The following TENM1 variants were observed in gnomAD, a reference collection of about 807,000 sequenced individuals.
TENM1 encodes the protein teneurin transmembrane protein 1, also known as teneurin-1.
A neutral mutation model predicts 174.8 loss-of-function variants in TENM1; 35 were observed. The ratio of observed to expected loss-of-function variants is 0.20; its 90% confidence interval spans 0.15 to 0.27. The LOEUF (loss-of-function observed/expected upper bound fraction) is 0.27, where lower values mean the gene tolerates loss of function less well. TENM1 is among the 10% of genes least tolerant of loss of function. The pLI, the probability that TENM1 is intolerant of heterozygous loss-of-function variation, is 1.00. For synonymous variants in TENM1, 781 were observed against 798.7 expected, an observed-to-expected ratio of 0.98 and a Z score of 0.37; for missense variants, 1,633 against 2,130.1, an observed-to-expected ratio of 0.77 and a Z score of 4.59.
At chrX:124,447,796 T>C (rs961691062) in intron 23 of TENM1, among the ~76,000 whole-genome samples, 3 of 111,441 alleles carry the variant, frequency 2.7e-5, no homozygotes, top group African/African-American at 9.8e-5. Context: ...TGGTGTTCCA[T>C]AGAGTTTGGT....
At chrX:124,963,704 T>C in exon 1 of TENM1, 3 of 1,211,970 alleles carry the variant, frequency 2.5e-6, no homozygotes, top group Non-Finnish European at 3.3e-6. Context: ...ATCCATTTCA[T>C]GCTTGACTTT....
At chrX:124,451,652 T>C (rs1169771991) in intron 23 of TENM1, among the ~76,000 whole-genome samples, 1 of 111,869 alleles carries the variant, frequency 8.9e-6, no homozygotes, top group Non-Finnish European at 1.9e-5. Context: ...CAAAACAGCA[T>C]GGTACTGGTA....
intron 4 of TENM1, among the ~76,000 whole-genome samples, chrX:124,707,799 G>A (rs2052946591): frequency 8.9e-6 from 1 of 112,037 alleles, no homozygotes; most frequent in South Asian, 3.8e-4. Flanking sequence ...CTTTTCTTGA[G>A]TGTGTACATT....
chrX:125,101,333 C>T, the TENM1 span, among the ~76,000 whole-genome samples: 1 of 111,573 alleles, frequency 9.0e-6, no homozygotes, highest in African/African-American at 3.3e-5. Flanking sequence ...TCATGGAATA[C>T]TGATATTCCA....
the TENM1 span, among the ~76,000 whole-genome samples, chrX:125,081,179 A>G: frequency 9.0e-6 from 1 of 111,188 alleles, no homozygotes; most frequent in African/African-American, 3.3e-5. Flanking sequence ...TTGTTGACTG[A>G]ACAAATAAGT....
At chrX:124,758,150 C>A (rs759016562) in intron 3 of TENM1, among the ~76,000 whole-genome samples, 10 of 111,336 alleles carry the variant, frequency 9.0e-5, no homozygotes, top group Non-Finnish European at 1.7e-4. Flanking sequence ...TCATACAATT[C>A]AATAGCAGAA....
At chrX:125,051,088 T>C in the TENM1 span, among the ~76,000 whole-genome samples, 2 of 111,441 alleles carry the variant, frequency 1.8e-5, no homozygotes, top group Non-Finnish European at 3.8e-5. Context: ...TGAACTCCCA[T>C]TCACAATTGC....
the TENM1 span, among the ~76,000 whole-genome samples, chrX:125,058,521 C>A: frequency 1.4e-4 from 16 of 111,368 alleles, no homozygotes; most frequent in Admixed American, 5.7e-4. Context: ...GAAAGAGTGT[C>A]CATGCAGCAT....
chrX:124,793,524 A>G (rs1162064495), intron 3 of TENM1, among the ~76,000 whole-genome samples: 1 of 111,686 alleles, frequency 9.0e-6, no homozygotes, highest in Non-Finnish European at 1.9e-5. Flanking sequence ...CACATGTTAT[A>G]TTATACTGAA....
chrX:124,828,804 A>C (rs1179865999), intron 3 of TENM1, among the ~76,000 whole-genome samples: 2 of 111,834 alleles, frequency 1.8e-5, no homozygotes, highest in Admixed American at 1.9e-4. Flanking sequence ...AGCTAAACAC[A>C]AGAAAGAAAG....
rs2047223657 is a variant in TENM1, at chrX:124,497,268, A to G, written c.3446-3T>C. On this transcript the variant is annotated splice_region_variant and splice_polypyrimidine_tract_variant and intron_variant, in intron 19 of 31. Coordinates refer to ENST00000422452, the Ensembl canonical transcript of TENM1. Reference sequence around the variant, plus strand: ...TCCATTCCCTTTATGTATGATTCCTAGATTCAAGGAAAACAAAAAGAGAAT... The same window carrying G: ...TCCATTCCCTTTATGTATGATTCCTGGATTCAAGGAAAACAAAAAGAGAAT... The G allele has an allele frequency of 8.4e-7, 1 of 1,190,623 alleles. No individual in the cohort carries two copies. The highest frequency in any genetic ancestry group is 1.8e-5 in the South Asian group (1 of 54,605).
the TENM1 span, among the ~76,000 whole-genome samples, chrX:125,168,554 A>T: frequency 9.0e-6 from 1 of 111,377 alleles, no homozygotes; most frequent in Non-Finnish European, 1.9e-5. Flanking sequence ...TTCTATTTGT[A>T]TTAGAGCCCC....
At chrX:124,413,222 T>C (rs2060556139) in intron 25 of TENM1, among the ~76,000 whole-genome samples, 1 of 112,080 alleles carries the variant, frequency 8.9e-6, no homozygotes, top group African/African-American at 3.2e-5. Context: ...CAGACCCAGT[T>C]CATATATGAG....
At chrX:125,172,329 C>G in the TENM1 span, among the ~76,000 whole-genome samples, 4 of 99,012 alleles carry the variant, frequency 4.0e-5, no homozygotes, top group African/African-American at 2.0e-4. Context: ...TCACCCCCCC[C>G]CATTTTAAAC....
chrX:124,404,983 A>C, intron 27 of TENM1, 48 bp downstream of exon 30: 1 of 1,043,372 alleles, frequency 9.6e-7, no homozygotes, highest in South Asian at 1.9e-5. Context: ...AAACAAACAA[A>C]CAAAACACCT....
At chrX:124,949,253 T>A (rs2058446829) in intron 1 of TENM1, among the ~76,000 whole-genome samples, 1 of 111,930 alleles carries the variant, frequency 8.9e-6, no homozygotes, top group African/African-American at 3.2e-5. Context: ...CTTTTCAGAA[T>A]GATTTATGTA....
At chrX:124,482,344 C>T (rs1170018366) in intron 21 of TENM1, among the ~76,000 whole-genome samples, 1 of 110,121 alleles carries the variant, frequency 9.1e-6, no homozygotes, top group East Asian at 2.9e-4. Flanking sequence ...ACAGAAGTTA[C>T]TTTCTTTTCC....
intron 4 of TENM1, among the ~76,000 whole-genome samples, chrX:124,707,296 C>T (rs1005426647): frequency 8.9e-6 from 1 of 112,138 alleles, no homozygotes; most frequent in African/African-American, 3.2e-5. Context: ...AGCCACTGTG[C>T]CTGGCCAATC....
chrX:124,551,663 G>A (rs1445516050), intron 14 of TENM1, among the ~76,000 whole-genome samples: 2 of 111,347 alleles, frequency 1.8e-5, no homozygotes, highest in African/African-American at 6.5e-5. Context: ...TTATACATAT[G>A]TGTAAACTGA....
Sources: gnomAD v4.1 joint callset for allele counts (sites outside exome capture counted in the v4.1 genomes callset) on GRCh38, gnomAD v4.1.1 for gene constraint, MANE v1.5 for transcripts, NCBI Gene and HGNC (gene_info 2026-07-23, HGNC 2026-07-21) for gene names.